Variants in MPP7 observed in about 807,000 individuals in gnomAD.
MPP7 encodes the protein MAGUK p55 scaffold protein 7, also known as MAGUK p55 subfamily member 7.
In MPP7, 60 loss-of-function variants were observed where a neutral mutation model predicts 76.5. The ratio of observed to expected loss-of-function variants is 0.78; its 90% CI spans 0.64 to 0.97. The LOEUF is 0.97. MPP7 is among the 50% of genes least tolerant of loss of function. The probability of loss-of-function intolerance (pLI) is 0.00; values close to 1 mark genes in which losing one functional copy is unlikely to be tolerated. For missense variants in MPP7, 641 were observed against 694.0 expected, an observed-to-expected ratio of 0.92 and a Z score of 0.86; for synonymous variants, 237 against 244.5, an observed-to-expected ratio of 0.97 and a Z score of 0.29.
chr10:28,324,354 A>C (rs1052277647), intron 2 of MPP7, among the ~76,000 whole-genome samples: 3 of 152,224 alleles, frequency 2.0e-5, no homozygotes, highest in South Asian at 2.1e-4. Flanking sequence ...AAATTTCTGT[A>C]ATCTGGAAGC....
Position 28,194,853 on chromosome 10 carries a change from G to A in MPP7, c.156+7300C>T, listed in dbSNP as rs990525849. On this transcript the variant is annotated intron_variant, in intron 3 of 16. Transcript: ENST00000683449. ...AACACAAAGAATAAACCTTAATGTAGATAATGGAGTTCAATTAATAATAAT... is the reference window on the plus strand; with the variant it reads ...AACACAAAGAATAAACCTTAATGTAAATAATGGAGTTCAATTAATAATAAT... 3.3e-4 allele frequency among the ~76,000 whole-genome samples: 50 copies of A among 152,126 alleles called. 1 individual carries two copies. Among genetic ancestry groups the A allele is most frequent in the Non-Finnish European group, 7.3e-5 (5 of 68,030 alleles).
rs187605476 is a variant in MPP7 at position 28,158,101 on chromosome 10, G to A, written c.157-8042C>T. Among the ~76,000 whole-genome samples, 86 of 152,268 alleles carry A rather than the reference G, an allele frequency of 5.6e-4. No individual in the cohort carries two copies. In the Middle Eastern group the frequency reaches 0.014, roughly 24 times the overall value. On this transcript the variant is annotated intron_variant, in intron 3 of 16. Transcript: ENST00000683449. Reference sequence around the variant, plus strand: ...CATATAAATCCTCTAATCCTGCACAGTTGGTAACACCCTGGGATCACCGTG... The same window carrying A: ...CATATAAATCCTCTAATCCTGCACAATTGGTAACACCCTGGGATCACCGTG...
At chr10:28,310,025 G>A (rs1447619493) in intron 2 of MPP7, among the ~76,000 whole-genome samples, 2 of 74,320 alleles carry the variant, frequency 2.7e-5, no homozygotes, top group Non-Finnish European at 5.3e-5. Flanking sequence ...TTTTTTAAAC[G>A]GAGTCTTGCT....
intron 2 of MPP7, among the ~76,000 whole-genome samples, chr10:28,231,837 A>C (rs1207598724): frequency 6.6e-6 from 1 of 152,174 alleles, no homozygotes; most frequent in East Asian, 1.9e-4. Flanking sequence ...AGACTCTTCC[A>C]CAGAAGAGGA....
chr10:28,205,705 A>G (rs146693137), intron 2 of MPP7, among the ~76,000 whole-genome samples: 2 of 152,278 alleles, frequency 1.3e-5, no homozygotes, highest in African/African-American at 4.8e-5. Context: ...TGCTGCGGCA[A>G]TGGCAAGGGA....
intron 2 of MPP7, among the ~76,000 whole-genome samples, chr10:28,230,012 T>C (rs1377556967): frequency 6.6e-6 from 1 of 152,102 alleles, no homozygotes; most frequent in Non-Finnish European, 1.5e-5. Flanking sequence ...ACATATGAAG[T>C]AGAAGTCCTG....
chr10:28,191,897 G>A (rs146868515), intron 3 of MPP7, among the ~76,000 whole-genome samples: 2,070 of 152,250 alleles, frequency 0.014, 27 homozygotes, highest in Non-Finnish European at 0.018. Flanking sequence ...GCCAAGGCAG[G>A]TGGATCACTT....
intron 2 of MPP7, among the ~76,000 whole-genome samples, chr10:28,313,904 C>T (rs1222636319): frequency 8.8e-6 from 1 of 113,452 alleles, no homozygotes; most frequent in Non-Finnish European, 1.7e-5. Flanking sequence ...CAGGGTTTTG[C>T]CATGTTGCCC....
intron 3 of MPP7, among the ~76,000 whole-genome samples, chr10:28,190,827 A>G (rs1418670274): frequency 6.6e-6 from 1 of 152,066 alleles, no homozygotes; most frequent in Non-Finnish European, 1.5e-5. Flanking sequence ...ACAAAAAAAA[A>G]CAGAGAAAAA....
At chr10:28,250,876 G>A (rs528150595) in intron 1 of MPP7, among the ~76,000 whole-genome samples, 1 of 152,306 alleles carries the variant, frequency 6.6e-6, no homozygotes, top group Non-Finnish European at 1.5e-5. Flanking sequence ...ATAATAGTAA[G>A]TATAGGTGTC....
At chr10:28,103,887 C>T (rs1853953884) in intron 11 of MPP7, among the ~76,000 whole-genome samples, 1 of 152,004 alleles carries the variant, frequency 6.6e-6, no homozygotes, top group African/African-American at 2.4e-5. Context: ...GAGACTCCTG[C>T]TTTGGGTTGC....
At chr10:28,063,548 G>A (rs1851878678) in intron 13 of MPP7, among the ~76,000 whole-genome samples, 1 of 151,970 alleles carries the variant, frequency 6.6e-6, no homozygotes, top group Admixed American at 6.6e-5. Context: ...ACACCAGTCT[G>A]TGGCCTGTTA....
chr10:28,119,382 T>C (rs1834756967), intron 11 of MPP7, among the ~76,000 whole-genome samples: 1 of 152,120 alleles, frequency 6.6e-6, no homozygotes, highest in African/African-American at 2.4e-5. Context: ...AATAACTATA[T>C]TTGGAAATCA....
chr10:28,217,537 A>AAAAAGAAAAGAAAAG (rs3064105), intron 2 of MPP7, among the ~76,000 whole-genome samples: 42 of 138,196 alleles, frequency 3.0e-4, no homozygotes, highest in Middle Eastern at 7.4e-3. Flanking sequence ...AAAAAAAAAA[A>AAAAAGAAAAGAAAAG]AAAAGAAAAG....
At chr10:28,252,711 T>A (rs1839653270) in intron 1 of MPP7, among the ~76,000 whole-genome samples, 1 of 152,082 alleles carries the variant, frequency 6.6e-6, no homozygotes, top group South Asian at 2.1e-4. Context: ...CAAAATCAAC[T>A]CTTCATAGCG....
intron 12 of MPP7, among the ~76,000 whole-genome samples, chr10:28,077,957 TG>T (rs896598821): frequency 2.0e-5 from 3 of 152,174 alleles, no homozygotes; most frequent in African/African-American, 7.2e-5. Context: ...AGAACATCCC[TG>T]CAAGAAAGGT....
chr10:28,079,269 G>T (rs1852644103), intron 12 of MPP7, among the ~76,000 whole-genome samples: 1 of 151,918 alleles, frequency 6.6e-6, no homozygotes, highest in Admixed American at 6.6e-5. Context: ...ATTCACAGTT[G>T]ATGCATACAA....
intron 12 of MPP7, among the ~76,000 whole-genome samples, chr10:28,079,623 A>G (rs895224876): frequency 1.2e-4 from 19 of 152,232 alleles, no homozygotes. Flanking sequence ...TACCAGGTAT[A>G]ATGTTCTTAT....
In MPP7 at chr10:28,056,489, T is replaced by C. The variant is rs75802203; in HGVS notation, c.1542A>G (p.Lys514=). Residue 514 remains lysine, a synonymous_variant, in exon 16 of 17, where the codon AAA becomes AAG. Transcript: ENST00000683449. ...GCATCATTATACTTACTGTGAAGGG[T>C]TTTGCAGCACCTTGGTCATCTCTGC... ...ISSRDDQGAA[K]PFTEEDFQEM... The C allele has an allele frequency of 0.02, 32,293 of 1,612,178 alleles. 1,140 individuals carry two copies. Among genetic ancestry groups the C allele is most frequent in the East Asian group, 0.14 (6,271 of 44,700 alleles).
Sources: gnomAD v4.1 joint callset for allele counts (sites outside exome capture counted in the v4.1 genomes callset) on GRCh38, gnomAD v4.1.1 for gene constraint, MANE v1.5 for transcripts, NCBI Gene and HGNC (gene_info 2026-07-23, HGNC 2026-07-21) for gene names.